Variants in ADARB2 observed in about 807,000 individuals in gnomAD.
ADARB2 encodes the protein adenosine deaminase RNA specific B2 (inactive), also known as inactive double-stranded RNA-specific editase B2.
In ADARB2, 25 loss-of-function variants were observed where a neutral mutation model predicts 62.2. The observed-to-expected ratio is 0.40, with a 90% confidence interval of 0.29 to 0.56. The LOEUF is 0.56. ADARB2 is among the 20% of genes least tolerant of loss of function. The probability of loss-of-function intolerance (pLI) is 0.43; values close to 1 mark genes in which losing one functional copy is unlikely to be tolerated. For missense variants in ADARB2, 1,071 were observed against 1,077.4 expected, an observed-to-expected ratio of 0.99 and a Z score of 0.08; for synonymous variants, 572 against 500.8, an observed-to-expected ratio of 1.14 and a Z score of -1.90.
intron 1 of ADARB2, among the ~76,000 whole-genome samples, chr10:1,658,269 T>G (rs1834198189): frequency 6.6e-6 from 1 of 151,848 alleles, no homozygotes; most frequent in Admixed American, 6.6e-5. Context: ...ATTCTCTCTG[T>G]TTTTCTCTGT....
Position 1,704,625 on chromosome 10 carries a change from C to A in ADARB2, c.100+32426G>T, listed in dbSNP as rs996224918. ...CCTGGACCAGTACCAGTCCTTGGCC[C>A]GGGGGCTGGAGACGTCTGAGTTAAA... On this transcript the variant is annotated intron_variant, in intron 1 of 9. Transcript: ENST00000381312. This position sits in a 1 kb window ranked among gnomAD's most constrained non-coding sequence, Gnocchi z 5.6. 6.6e-6 allele frequency among the ~76,000 whole-genome samples: 1 copy of A among 152,072 alleles called. No homozygotes were observed. The highest frequency in any genetic ancestry group is 2.4e-5 in the African/African-American group (1 of 41,390).
chr10:1,524,102 A>G (rs1408450380), intron 1 of ADARB2, among the ~76,000 whole-genome samples: 1 of 149,670 alleles, frequency 6.7e-6, no homozygotes, highest in Non-Finnish European at 1.5e-5. Context: ...AGATAGATAG[A>G]TTAGAGAGAG....
At chr10:1,193,211 C>T (rs1361105833) in intron 8 of ADARB2, among the ~76,000 whole-genome samples, 1 of 152,166 alleles carries the variant, frequency 6.6e-6, no homozygotes, top group Non-Finnish European at 1.5e-5. Flanking sequence ...AGGGTTTGTG[C>T]CTCCACTGAT....
chr10:1,254,257 C>T (rs1157971112), intron 4 of ADARB2, among the ~76,000 whole-genome samples: 2 of 151,286 alleles, frequency 1.3e-5, no homozygotes, highest in East Asian at 1.9e-4. Flanking sequence ...AACTCCAGTG[C>T]CTGTGAGGCA....
rs759372590 is a variant in ADARB2, at chr10:1,363,718, C to T, written c.387G>A (p.Ala129=). ...GCCTCAGCTCGTGCAGCTGCACCAG[C>T]GCGTTCTTGGGCGCCACCGACCACG... ...KLSWSVAPKN[A]LVQLHELRPG... The change falls in exon 3 of 10, where the codon GCG becomes GCA. Residue 129 remains alanine, a synonymous_variant. Transcript: ENST00000381312. 3 of 1,611,272 alleles carry T rather than the reference C, an allele frequency of 1.9e-6. No individual in the cohort carries two copies. Among genetic ancestry groups the T allele is most frequent in the South Asian group, 1.1e-5 (1 of 91,046 alleles).
At chr10:1,322,667 C>T (rs1212643115) in intron 3 of ADARB2, among the ~76,000 whole-genome samples, 3 of 152,164 alleles carry the variant, frequency 2.0e-5, no homozygotes, top group Admixed American at 2.0e-4. Context: ...ACTGGCACAT[C>T]ACCCACTGTA....
At chr10:1,679,716 C>T (rs1300042751) in intron 1 of ADARB2, among the ~76,000 whole-genome samples, 1 of 152,176 alleles carries the variant, frequency 6.6e-6, no homozygotes, top group Non-Finnish European at 1.5e-5. Flanking sequence ...TTCTGACACA[C>T]ACGCGGCGTC....
intron 8 of ADARB2, among the ~76,000 whole-genome samples, chr10:1,192,401 C>G (rs1836855640): frequency 6.6e-6 from 1 of 152,166 alleles, no homozygotes; most frequent in East Asian, 1.9e-4. Context: ...CACCCACACA[C>G]CCTTAATGGA....
chr10:1,503,494 C>T (rs903430305), intron 1 of ADARB2, among the ~76,000 whole-genome samples: 11 of 152,076 alleles, frequency 7.2e-5, no homozygotes, highest in Non-Finnish European at 1.0e-4. Context: ...CCCTTTCAGC[C>T]CCCCTTTTAG....
intron 1 of ADARB2, among the ~76,000 whole-genome samples, chr10:1,457,768 C>G (rs1345422718): frequency 6.6e-6 from 1 of 152,102 alleles, no homozygotes; most frequent in Non-Finnish European, 1.5e-5. Context: ...TAGATATCCC[C>G]CTGTTTCTAG....
intron 7 of ADARB2, among the ~76,000 whole-genome samples, chr10:1,205,392 GGCACAGCCTGAGGGAGACAACTCACT>G (rs1564219474): frequency 3.9e-5 from 4 of 103,648 alleles, no homozygotes; most frequent in African/African-American, 1.1e-4. Context: ...GGGAGCCCGT[GGCACAGCCTGAGGGAGACAACTCACT>G]GGAGCCCGTG....
At chr10:1,433,160 G>A (rs1830794431) in intron 1 of ADARB2, among the ~76,000 whole-genome samples, 1 of 152,198 alleles carries the variant, frequency 6.6e-6, no homozygotes, top group Non-Finnish European at 1.5e-5. Context: ...AGGAAGAGGA[G>A]TCATGCAAGG....
At chr10:1,655,233 A>G (rs1834159423) in intron 1 of ADARB2, among the ~76,000 whole-genome samples, 1 of 152,208 alleles carries the variant, frequency 6.6e-6, no homozygotes, top group South Asian at 2.1e-4. Flanking sequence ...CCTGGACAAT[A>G]AGGCACTAGA....
intron 3 of ADARB2, among the ~76,000 whole-genome samples, chr10:1,284,564 C>G (rs560374330): frequency 6.6e-6 from 1 of 152,232 alleles, no homozygotes; most frequent in East Asian, 1.9e-4. Context: ...TTTAATCCAC[C>G]CAACAACTAT....
At chr10:1,652,738 G>A (rs1378707042) in intron 1 of ADARB2, among the ~76,000 whole-genome samples, 1 of 152,158 alleles carries the variant, frequency 6.6e-6, no homozygotes, top group Non-Finnish European at 1.5e-5. Flanking sequence ...CAGCAAGGAA[G>A]GCTCATTACC....
intron 1 of ADARB2, 43 bp downstream of exon 1, chr10:1,737,008 G>A (rs771031566): frequency 1.9e-6 from 3 of 1,598,592 alleles, no homozygotes; most frequent in African/African-American, 2.7e-5. Flanking sequence ...GGAGAAGCCG[G>A]GGGTGAAGGG....
intron 1 of ADARB2, among the ~76,000 whole-genome samples, chr10:1,475,882 T>A (rs1831393461): frequency 6.6e-6 from 1 of 152,160 alleles, no homozygotes. Context: ...ATTGTGTGAA[T>A]TTTCTAGGCC....
At chr10:1,670,385 T>C (rs898213418) in intron 1 of ADARB2, among the ~76,000 whole-genome samples, 7 of 152,250 alleles carry the variant, frequency 4.6e-5, no homozygotes, top group Non-Finnish European at 8.8e-5. Context: ...TGGATTTTAC[T>C]TAGGGCACAT....
chr10:1,229,876 A>G (rs796473963), intron 6 of ADARB2, among the ~76,000 whole-genome samples: 17 of 151,430 alleles, frequency 1.1e-4, no homozygotes, highest in African/African-American at 4.1e-4. Context: ...GTGGGTATAT[A>G]TGTGTGAGAA....
Sources: gnomAD v4.1 joint callset for allele counts (sites outside exome capture counted in the v4.1 genomes callset) on GRCh38, gnomAD v4.1.1 for gene constraint, Gnocchi (gnomAD v3.1) non-coding constraint, MANE v1.5 for transcripts, NCBI Gene and HGNC (gene_info 2026-07-23, HGNC 2026-07-21) for gene names.